The following CNTNAP2 variants were observed in gnomAD, a reference collection of about 807,000 sequenced individuals.
The protein encoded by CNTNAP2 is contactin associated protein 2, also known as contactin-associated protein-like 2.
In CNTNAP2, 98 loss-of-function variants were observed where a neutral mutation model predicts 155.2. The ratio of observed to expected loss-of-function variants is 0.63; its 90% confidence interval spans 0.54 to 0.75. The LOEUF (loss-of-function observed/expected upper bound fraction) is 0.75, where lower values mean the gene tolerates loss of function less well. Among genes scored for constraint, CNTNAP2 ranks in the 30% least tolerant of loss-of-function variants. CNTNAP2 has a pLI of 0.00. For synonymous variants in CNTNAP2, 651 were observed against 631.2 expected, an observed-to-expected ratio of 1.03 and a Z score of -0.47; for missense variants, 1,727 against 1,688.1, an observed-to-expected ratio of 1.02 and a Z score of -0.40.
At chr7:146,469,874 C>T (rs1210491236) in intron 1 of CNTNAP2, among the ~76,000 whole-genome samples, 2 of 141,698 alleles carry the variant, frequency 1.4e-5, no homozygotes, top group African/African-American at 5.3e-5. Flanking sequence ...CAGTCTTACT[C>T]TGTCACCCAG....
intron 3 of CNTNAP2, among the ~76,000 whole-genome samples, chr7:147,033,192 A>ATG (rs1799076895): frequency 1.0e-5 from 1 of 95,638 alleles, no homozygotes; most frequent in Non-Finnish European, 2.2e-5. Context: ...ATATATATAT[A>ATG]TATATATATA....
chr7:147,161,010 A>T (rs1245841833), intron 8 of CNTNAP2, among the ~76,000 whole-genome samples: 2 of 152,168 alleles, frequency 1.3e-5, no homozygotes, highest in African/African-American at 2.4e-5. Flanking sequence ...GCGACATTAG[A>T]CATGGCCAGA....
At chr7:146,455,030 C>T (rs1287315416) in intron 1 of CNTNAP2, among the ~76,000 whole-genome samples, 1 of 152,146 alleles carries the variant, frequency 6.6e-6, no homozygotes. Flanking sequence ...CTTTGAGATC[C>T]ACTGCTGTTA....
intron 10 of CNTNAP2, among the ~76,000 whole-genome samples, chr7:147,432,126 G>T (rs826644): frequency 0.79 from 120,600 of 152,112 alleles, 48,409 homozygotes; most frequent in African/African-American, 0.93. Flanking sequence ...TCTTTAAATT[G>T]TTAAAACACT....
At chr7:146,379,473 G>C (rs1227996535) in intron 1 of CNTNAP2, among the ~76,000 whole-genome samples, 1 of 152,120 alleles carries the variant, frequency 6.6e-6, no homozygotes, top group African/African-American at 2.4e-5. Context: ...CTGAAGATGA[G>C]ACTCTAGAAA....
intron 1 of CNTNAP2, among the ~76,000 whole-genome samples, chr7:146,728,183 C>A (rs1037071922): frequency 5.9e-5 from 9 of 151,786 alleles, no homozygotes; most frequent in African/African-American, 1.9e-4. Flanking sequence ...AGTTGTGTGG[C>A]GTGATGTTTC....
chr7:147,132,313 G>T lies in CNTNAP2; in HGVS notation c.1152G>T (p.Leu384=). The T allele has an allele frequency of 6.2e-7, 1 of 1,613,730 alleles. No homozygotes were observed. The highest frequency in any genetic ancestry group is 8.5e-7 in the Non-Finnish European group (1 of 1,179,800). The change falls in exon 8 of 24, where the codon CTG becomes CTT. Residue 384 remains leucine (L), a synonymous_variant. Transcript: ENST00000361727. ...TCTTTTTCAACGCTACAAGTTACCT[G>T]GAGGTGCCCGGACGGCTTAACCAGG... The part of the protein sequence containing the change: ...VPVFFNATSY[L]EVPGRLNQDL...
intron 17 of CNTNAP2, among the ~76,000 whole-genome samples, chr7:148,160,418 A>G (rs1452565074): frequency 2.0e-5 from 3 of 152,010 alleles, no homozygotes; most frequent in African/African-American, 7.2e-5. Context: ...TCTAAAAAAA[A>G]AAAAAAGAAA....
intron 15 of CNTNAP2, among the ~76,000 whole-genome samples, chr7:148,022,828 T>C (rs1397580408): frequency 2.0e-5 from 3 of 152,092 alleles, no homozygotes; most frequent in Non-Finnish European, 4.4e-5. Context: ...TCATCAGTGC[T>C]AGGAAAATAA....
At chr7:148,149,548 C>CGT (rs1337949309) in intron 17 of CNTNAP2, among the ~76,000 whole-genome samples, 2 of 151,772 alleles carry the variant, frequency 1.3e-5, no homozygotes, top group Non-Finnish European at 2.9e-5. Flanking sequence ...TAGAAATGTG[C>CGT]GTGTGTGTGT....
intron 9 of CNTNAP2, among the ~76,000 whole-genome samples, chr7:147,356,823 C>T (rs1796070972): frequency 6.6e-6 from 1 of 152,032 alleles, no homozygotes; most frequent in African/African-American, 2.4e-5. Context: ...CGCTGTATGG[C>T]CTCTTCCTCA....
intron 16 of CNTNAP2, among the ~76,000 whole-genome samples, chr7:148,121,599 T>G (rs1054094576): frequency 3.9e-5 from 6 of 152,190 alleles, no homozygotes; most frequent in Non-Finnish European, 8.8e-5. Flanking sequence ...TCTCTAAGCG[T>G]GTCTCAGAGG....
At chr7:147,289,071 T>G (rs1452009947) in intron 8 of CNTNAP2, among the ~76,000 whole-genome samples, 6 of 152,180 alleles carry the variant, frequency 3.9e-5, no homozygotes, top group Non-Finnish European at 8.8e-5. Flanking sequence ...TGTAAAAACT[T>G]ATTCAAATTA....
chr7:147,189,887 G>A (rs1802645188), intron 8 of CNTNAP2, among the ~76,000 whole-genome samples: 1 of 152,038 alleles, frequency 6.6e-6, no homozygotes, highest in Admixed American at 6.6e-5. Flanking sequence ...TGGGACTACA[G>A]GTGCCCGCCA....
chr7:147,016,541 A>G (rs1798726894), intron 3 of CNTNAP2, among the ~76,000 whole-genome samples: 1 of 152,080 alleles, frequency 6.6e-6, no homozygotes. Flanking sequence ...AACTGGTTCC[A>G]TTTGATGAGT....
intron 15 of CNTNAP2, among the ~76,000 whole-genome samples, chr7:148,054,987 A>G (rs1288245031): frequency 6.6e-6 from 1 of 150,464 alleles, no homozygotes; most frequent in African/African-American, 2.5e-5. Flanking sequence ...GGTTCAAGCG[A>G]TTCTCCTGCC....
chr7:147,592,898 A>G (rs1800765872), intron 12 of CNTNAP2, among the ~76,000 whole-genome samples: 1 of 152,162 alleles, frequency 6.6e-6, no homozygotes. Context: ...ACTCTTCCAA[A>G]TGGTCATACC....
chr7:147,952,985 T>C (rs1800960934), intron 14 of CNTNAP2, among the ~76,000 whole-genome samples: 1 of 152,158 alleles, frequency 6.6e-6, no homozygotes, highest in Non-Finnish European at 1.5e-5. Flanking sequence ...GGTCACGTAG[T>C]ATGTGGCAAA....
intron 3 of CNTNAP2, among the ~76,000 whole-genome samples, chr7:146,927,975 T>A (rs370156270): frequency 1.4e-4 from 19 of 140,552 alleles, no homozygotes; most frequent in Admixed American, 1.1e-3. Context: ...TATATATATA[T>A]ATAAATATAT....
Sources: gnomAD v4.1 joint callset for allele counts (sites outside exome capture counted in the v4.1 genomes callset) on GRCh38, gnomAD v4.1.1 for gene constraint, MANE v1.5 for transcripts, NCBI Gene and HGNC (gene_info 2026-07-23, HGNC 2026-07-21) for gene names.